The following KIF24 variants were observed in gnomAD, a reference collection of about 807,000 sequenced individuals.
KIF24 encodes the protein kinesin-like protein KIF24.
Under a neutral mutation model 118.9 loss-of-function variants are expected in KIF24, and 81 were observed. The observed-to-expected ratio is 0.68, with a 90% CI of 0.57 to 0.82. KIF24 has a LOEUF of 0.82. KIF24 is among the 40% of genes least tolerant of loss of function. The pLI is 0.00. For missense variants in KIF24, 1,560 were observed against 1,661.6 expected (o/e 0.94, Z 1.06); for synonymous variants, 599 against 610.0 (o/e 0.98, Z 0.27).
chr9:34,296,132 T>C lies in KIF24; in HGVS notation c.911+885A>G, dbSNP rs377460414. 1.8e-4 allele frequency among the ~76,000 whole-genome samples: 24 copies of C among 132,598 alleles called. No individual in the cohort carries two copies. In the South Asian group the frequency reaches 5.8e-3, roughly 32 times the overall value. The allele number at this position is 132,598 out of a possible 152,430, so 87.0% of individuals were successfully genotyped here. ...TACTCAGGAGGCTGAGGCAGGAGAA[T>C]GGCGTGAACCCGGGAGGCAGAGCTT... On this transcript the variant is annotated intron_variant, in intron 4 of 12. Coordinates refer to ENST00000402558, the MANE Select transcript of KIF24 (RefSeq NM_194313.4).
At chr9:34,315,191 A>C (rs1342899110) in intron 1 of KIF24, among the ~76,000 whole-genome samples, 1 of 152,056 alleles carries the variant, frequency 6.6e-6, no homozygotes, top group African/African-American at 2.4e-5. Flanking sequence ...AAACTATGTG[A>C]CTGTATTATT....
chr9:34,281,614 G>A (rs894854791), intron 6 of KIF24, among the ~76,000 whole-genome samples: 2 of 152,150 alleles, frequency 1.3e-5, no homozygotes, highest in Non-Finnish European at 2.9e-5. Context: ...ATTATTATTA[G>A]AACACAGTGA....
Position 34,257,153 on chromosome 9 carries a change from G to A in KIF24, c.2454C>T (p.Ala818=), listed in dbSNP as rs751979313. Residue 818 remains alanine (A), a synonymous_variant, in exon 11 of 13, where the codon GCC becomes GCT. Coordinates refer to ENST00000402558, the MANE Select transcript of KIF24 (RefSeq NM_194313.4). ...CACTGTCATCAAGTTCCTCTACTTG[G>A]GCTCCATCATGGTTTTCAGAGTAAG... is the stretch of plus-strand genomic sequence containing the variant. ...FHSYSENHDG[A]QVEELDDSDF... 6.2e-7 allele frequency: 1 copy of A among 1,613,996 alleles called. No individual in the cohort carries two copies. Among genetic ancestry groups the A allele is most frequent in the Admixed American group, 1.7e-5 (1 of 60,030 alleles).
intron 9 of KIF24, among the ~76,000 whole-genome samples, chr9:34,261,728 T>C (rs189759143): frequency 5.4e-4 from 82 of 152,330 alleles, no homozygotes; most frequent in Admixed American, 8.5e-4. Flanking sequence ...TATTACCTTG[T>C]TCTACAGCTT....
chr9:34,304,035 A>G (rs764526360), intron 3 of KIF24, among the ~76,000 whole-genome samples: 3 of 152,196 alleles, frequency 2.0e-5, no homozygotes, highest in Non-Finnish European at 4.4e-5. Flanking sequence ...TATTGATATA[A>G]AGTTTAATGG....
chr9:34,254,227 T>C lies in KIF24; in HGVS notation c.*153A>G, dbSNP rs1204612012. On this transcript the variant is annotated 3_prime_UTR_variant, in exon 13 of 13. Coordinates refer to ENST00000402558, the MANE Select transcript of KIF24 (RefSeq NM_194313.4). ...CCTGAGGGAGAAGCTGGGACCTATCTGAAGCCACGTGGGGCTGGGGTGACG... is the reference window on the plus strand; with the variant it reads ...CCTGAGGGAGAAGCTGGGACCTATCCGAAGCCACGTGGGGCTGGGGTGACG... 1 of 786,092 alleles carries C rather than the reference T, an allele frequency of 1.3e-6. No homozygotes were observed. The allele number at this position is 786,092 out of a possible 1,614,324, so 48.7% of individuals were successfully genotyped here.
At chr9:34,277,025 T>C (rs909041064) in intron 6 of KIF24, among the ~76,000 whole-genome samples, 1 of 152,234 alleles carries the variant, frequency 6.6e-6, no homozygotes, top group Non-Finnish European at 1.5e-5. Flanking sequence ...GCGATGCTGA[T>C]GGATCATCAT....
chr9:34,302,839 G>A (rs1315845519), intron 3 of KIF24, among the ~76,000 whole-genome samples: 4 of 142,984 alleles, frequency 2.8e-5, no homozygotes, highest in African/African-American at 1.0e-4. Context: ...GCAGTGGTGC[G>A]ATCTCGGCTC....
At chr9:34,305,579 A>G (rs1286878215) in intron 3 of KIF24, among the ~76,000 whole-genome samples, 1 of 152,196 alleles carries the variant, frequency 6.6e-6, no homozygotes, top group African/African-American at 2.4e-5. Context: ...CCTGTTGACA[A>G]CTACTTAATT....
intron 2 of KIF24, among the ~76,000 whole-genome samples, chr9:34,307,873 A>AG (rs1836991391): frequency 4.0e-5 from 6 of 151,832 alleles, no homozygotes. Flanking sequence ...AAAAAAAAAA[A>AG]AAAAAAGAAA....
chr9:34,259,920 C>A (rs897372609), intron 9 of KIF24, among the ~76,000 whole-genome samples: 8 of 152,214 alleles, frequency 5.3e-5, no homozygotes, highest in African/African-American at 1.2e-4. Flanking sequence ...ATTAAAAAAA[C>A]CAATATTTTT....
chr9:34,318,779 G>A lies in KIF24; in HGVS notation c.-25-7408C>T, dbSNP rs189592474. 3,195 of 1,536,254 alleles carry A rather than the reference G, an allele frequency of 2.1e-3. 11 individuals are homozygous for A. The highest frequency in any genetic ancestry group is 2.4e-3 in the Non-Finnish European group (2,719 of 1,114,524). ...ACTCAGCAACTCCACCGCGCGCAAC[G>A]TGACCTGGAAGCTGTGCAGTCGCCT... On this transcript the variant is annotated intron_variant, in intron 1 of 12. Coordinates refer to ENST00000402558, the MANE Select transcript of KIF24 (RefSeq NM_194313.4). This position sits in a 1 kb window ranked among gnomAD's most constrained non-coding sequence, Gnocchi z 4.9.
intron 3 of KIF24, among the ~76,000 whole-genome samples, chr9:34,299,529 C>A (rs1563955041): frequency 6.6e-6 from 1 of 150,500 alleles, no homozygotes; most frequent in Non-Finnish European, 1.5e-5. Flanking sequence ...GCCTGGGCCA[C>A]AGATGAGACC....
chr9:34,292,841 C>T (rs528603744), intron 4 of KIF24, among the ~76,000 whole-genome samples: 24 of 152,130 alleles, frequency 1.6e-4, no homozygotes, highest in Admixed American at 4.6e-4. Context: ...TCCAGCAGAG[C>T]AAGAGGAAAG....
intron 1 of KIF24, chr9:34,319,239 AG>A: frequency 6.8e-7 from 1 of 1,462,426 alleles, no homozygotes; most frequent in Non-Finnish European, 9.6e-7. Flanking sequence ...GAGCCCCTCG[AG>A]GCCTTAAAAA....
intron 1 of KIF24, chr9:34,319,451 G>A: frequency 8.1e-7 from 1 of 1,233,046 alleles, no homozygotes; most frequent in Non-Finnish European, 1.2e-6. Context: ...TGACCAGCGT[G>A]TTCCACGCCA....
intron 1 of KIF24, among the ~76,000 whole-genome samples, chr9:34,313,044 A>AT (rs1327266856): frequency 6.6e-6 from 1 of 152,154 alleles, no homozygotes; most frequent in African/African-American, 2.4e-5. Context: ...AAGACCAAAA[A>AT]TTTTTTGCAG....
At chr9:34,272,348 G>C (rs1427128729) in intron 6 of KIF24, among the ~76,000 whole-genome samples, 1 of 152,172 alleles carries the variant, frequency 6.6e-6, no homozygotes, top group Non-Finnish European at 1.5e-5. Flanking sequence ...TGTTCTACCA[G>C]GATGCAGTCA....
At position 34,318,755 on chromosome 9, in the gene KIF24, C is replaced by G. The variant is rs1440052147; in HGVS notation, c.-25-7384G>C. The G allele has an allele frequency of 1.1e-5, 17 of 1,515,178 alleles. No homozygotes were observed. The highest frequency in any genetic ancestry group is 1.5e-5 in the Non-Finnish European group (17 of 1,101,692). 93.9% of individuals were successfully genotyped at this position (1,515,178 alleles called of 1,614,324 possible). ...CGGCGTGGGCGAGCCGCTGCGTTCA[C>G]TCAGCAACTCCACCGCGCGCAACGT... On this transcript the variant is annotated intron_variant, in intron 1 of 12. Transcript: ENST00000402558. This position sits in a 1 kb window ranked among gnomAD's most constrained non-coding sequence, Gnocchi z 4.9.
Sources: gnomAD v4.1 joint callset for allele counts (sites outside exome capture counted in the v4.1 genomes callset) on GRCh38, gnomAD v4.1.1 for gene constraint, Gnocchi (gnomAD v3.1) non-coding constraint, MANE v1.5 for transcripts, NCBI Gene and HGNC (gene_info 2026-07-23, HGNC 2026-07-21) for gene names.